Variants in ACSS1 observed in about 807,000 individuals in gnomAD.
ACSS1 encodes acetyl-coenzyme A synthetase 2-like, mitochondrial.
Under a neutral mutation model 75.3 loss-of-function variants are expected in ACSS1, and 42 were observed. That is an observed-to-expected ratio of 0.56 (90% CI 0.44 to 0.72). The LOEUF is 0.72. Ranked by LOEUF, ACSS1 falls within the 30% of genes least tolerant of loss-of-function variation. The pLI is 0.00. For synonymous variants in ACSS1, 380 were observed against 376.8 expected, an observed-to-expected ratio of 1.01 and a Z score of -0.10; for missense variants, 782 against 935.7, an observed-to-expected ratio of 0.84 and a Z score of 2.14.
At chr20:25,036,983 GAA>G (rs1292355212) in intron 2 of ACSS1, among the ~76,000 whole-genome samples, 3 of 105,960 alleles carry the variant, frequency 2.8e-5, no homozygotes, top group South Asian at 6.5e-4. Flanking sequence ...AAGAAAGAAA[GAA>G]AAAGAAAGAA....
intron 3 of ACSS1, among the ~76,000 whole-genome samples, chr20:25,030,042 C>T (rs1224042491): frequency 1.3e-5 from 2 of 152,142 alleles, no homozygotes; most frequent in Non-Finnish European, 2.9e-5. Flanking sequence ...GAAGGGCTTC[C>T]CAGCCTTTTA....
chr20:25,013,003 G>GT, intron 10 of ACSS1, 64 bp from the exon 11 acceptor site: 3 of 1,609,526 alleles, frequency 1.9e-6, no homozygotes, highest in Non-Finnish European at 2.5e-6. Flanking sequence ...CCCAACCTCA[G>GT]TAAGCGTGAA....
In ACSS1 at chr20:25,007,631, G is replaced by T; in HGVS notation, c.*131C>A. ...TCTCAGCCCAGCTTCACGTGAGGGC[G>T]GTGTGGGTCATGTGTGGGGTGGGGG... On this transcript the variant is annotated 3_prime_UTR_variant, in exon 14 of 14. Transcript: ENST00000323482. 1.3e-6 allele frequency: 2 copies of T among 1,512,176 alleles called. No homozygotes were observed. Among genetic ancestry groups the T allele is most frequent in the Non-Finnish European group, 8.8e-7 (1 of 1,138,198 alleles). 93.7% of individuals were successfully genotyped at this position (1,512,176 alleles called of 1,614,324 possible).
chr20:25,020,110 A>G lies in ACSS1; in HGVS notation c.1146T>C (p.Asn382=), dbSNP rs753817355. The G allele has an allele frequency of 2.5e-4, 409 of 1,614,124 alleles. 1 individual carries two copies. Among genetic ancestry groups the G allele is most frequent in the Non-Finnish European group, 3.2e-4 (379 of 1,180,054 alleles). The change falls in exon 7 of 14, where the codon AAT becomes AAC. Residue 382 remains asparagine (N), a synonymous_variant. Transcript: ENST00000323482. Reference sequence around the variant, plus strand: ...CAGCCGTTGGGGCGCCATAGAACTGATTGATCTTCAACCTCTCTACTGTCT... The same window carrying G: ...CAGCCGTTGGGGCGCCATAGAACTGGTTGATCTTCAACCTCTCTACTGTCT... The part of the protein sequence containing the change: ...YWETVERLKI[N]QFYGAPTAVR...
chr20:25,007,680 G>A lies in ACSS1; in HGVS notation c.*82C>T. On this transcript the variant is annotated 3_prime_UTR_variant, in exon 14 of 14. Coordinates refer to ENST00000323482, the MANE Select transcript of ACSS1 (RefSeq NM_032501.4). ...GGCTGCTTCTGGGACGTAGGAAGAC[G>A]CCAACCTCAGGGGTACCTTCTGGGA... 5.1e-6 allele frequency: 8 copies of A among 1,554,136 alleles called. No homozygotes were observed. The highest frequency in any genetic ancestry group is 3.7e-5 in the South Asian group (3 of 81,352).
intron 5 of ACSS1, 45 bp from the exon 6 acceptor site, chr20:25,021,581 C>A: frequency 6.3e-7 from 1 of 1,599,538 alleles, no homozygotes; most frequent in Non-Finnish European, 8.5e-7. Context: ...CCCCCCACTC[C>A]ACCATGTTCA....
chr20:25,031,140 T>G, intron 2 of ACSS1, 182 bp from the exon 3 acceptor site: 1 of 713,624 alleles, frequency 1.4e-6, no homozygotes, highest in Non-Finnish European at 2.5e-6. Context: ...GTTTTTAACA[T>G]TTGTAGATTG....
intron 2 of ACSS1, among the ~76,000 whole-genome samples, chr20:25,031,545 G>A (rs2088824458): frequency 6.6e-6 from 1 of 152,212 alleles, no homozygotes; most frequent in Non-Finnish European, 1.5e-5. Context: ...GGGAGACATA[G>A]CTTAGCTTTT....
At chr20:25,057,214 C>G (rs1276820170) in intron 1 of ACSS1, among the ~76,000 whole-genome samples, 1 of 152,218 alleles carries the variant, frequency 6.6e-6, no homozygotes, top group South Asian at 2.1e-4. Flanking sequence ...GAAGAAATAA[C>G]TGGTTCCAGC....
Position 25,030,890 on chromosome 20 carries a change from C to T in ACSS1, c.500G>A (p.Arg167His), listed in dbSNP as rs781504953. 2.5e-6 allele frequency: 4 copies of T among 1,614,236 alleles called. No individual in the cohort carries two copies. Among genetic ancestry groups the T allele is most frequent in the South Asian group, 1.1e-5 (1 of 91,092 alleles). Residue 167 changes from arginine (R) to histidine (H), a missense_variant, in exon 3 of 14, where the codon CGT becomes CAT. Arg to His is a conservative substitution (Grantham distance 29). Coordinates refer to ENST00000323482, the MANE Select transcript of ACSS1 (RefSeq NM_032501.4). ...LKRHGVHRGD[R>H]VAIYMPVSPL... ...GGACACGGGCATGTAGATGGCAACACGGTCCCCACGGTGGACTCCATGCCT... is the reference window on the plus strand; with the variant it reads ...GGACACGGGCATGTAGATGGCAACATGGTCCCCACGGTGGACTCCATGCCT...
chr20:25,014,395 T>G (rs1251323262), intron 8 of ACSS1, among the ~76,000 whole-genome samples: 1 of 152,184 alleles, frequency 6.6e-6, no homozygotes, highest in African/African-American at 2.4e-5. Context: ...GAACTGCTTC[T>G]GGGCCAGCGC....
At chr20:25,023,236 G>T in intron 4 of ACSS1, 144 bp from the exon 5 acceptor site, 1 of 1,229,318 alleles carries the variant, frequency 8.1e-7, no homozygotes, top group South Asian at 1.6e-5. Context: ...AATGTGGAAA[G>T]GACACAAAAC....
Position 25,048,120 on chromosome 20 carries a change from G to A in ACSS1, c.396C>T (p.Arg132=), listed in dbSNP as rs373555684. 2.5e-6 allele frequency: 4 copies of A among 1,613,688 alleles called. No homozygotes were observed. The highest frequency in any genetic ancestry group is 1.1e-5 in the South Asian group (1 of 91,048). Residue 132 remains arginine (R), a synonymous_variant, in exon 2 of 14, where the codon CGC becomes CGT. Coordinates refer to ENST00000323482, the MANE Select transcript of ACSS1 (RefSeq NM_032501.4). Reference sequence around the variant, plus strand: ...TCCTCACTTCCGTTCCAGGCTCATCGCGCTCCCAGATCAAAGCAACGCTCT... The same window carrying A: ...TCCTCACTTCCGTTCCAGGCTCATCACGCTCCCAGATCAAAGCAACGCTCT... The part of the protein sequence containing the change: ...SPESVALIWE[R]DEPGTEVRIT...
Position 25,009,229 on chromosome 20 carries a change from G to C in ACSS1, c.1890+41C>G, listed in dbSNP as rs765327644. On this transcript the variant is annotated intron_variant, in intron 13 of 13. Transcript: ENST00000323482. ...CATTGTCACTTGACAATTGTGGGAA[G>C]AACAGCAGCACAGCCCCATCTTTGT... The C allele has an allele frequency of 2.0e-6, 3 of 1,470,950 alleles. No individual in the cohort carries two copies. The South Asian group carries it at 3.4e-5, about 17-fold the overall frequency. 91.1% of individuals were successfully genotyped at this position (1,470,950 alleles called of 1,614,324 possible). A position where few individuals can be genotyped will look rare whatever the true frequency, so the allele number is the denominator to read the frequency against.
chr20:25,034,983 C>G (rs956332185), intron 2 of ACSS1, among the ~76,000 whole-genome samples: 7 of 152,186 alleles, frequency 4.6e-5, no homozygotes, highest in Middle Eastern at 3.4e-3. Flanking sequence ...AGCTCCGCCC[C>G]CTGGGTTCAT....
chr20:25,051,050 C>G (rs1220236684), intron 1 of ACSS1, among the ~76,000 whole-genome samples: 1 of 152,236 alleles, frequency 6.6e-6, no homozygotes, highest in Non-Finnish European at 1.5e-5. Flanking sequence ...TGACCTGCCT[C>G]TCCCTGCTGA....
chr20:25,043,037 T>C (rs2089028766), intron 2 of ACSS1, among the ~76,000 whole-genome samples: 1 of 151,966 alleles, frequency 6.6e-6, no homozygotes, highest in Non-Finnish European at 1.5e-5. Context: ...CACAGCCTCC[T>C]GCCTCCACCA....
chr20:25,008,153 A>C (rs1343032043), intron 13 of ACSS1, among the ~76,000 whole-genome samples: 4 of 152,080 alleles, frequency 2.6e-5, no homozygotes, highest in Non-Finnish European at 4.4e-5. Context: ...ATCCACCCCG[A>C]TGCTCTCCGC....
chr20:25,009,374 TGAA>T lies in ACSS1; in HGVS notation c.1783_1785del (p.Phe595del). 1 of 1,614,104 alleles carries T rather than the reference TGAA, an allele frequency of 6.2e-7. No homozygotes were observed. The highest frequency in any genetic ancestry group is 1.1e-5 in the South Asian group (1 of 91,072). On this transcript the variant is annotated inframe_deletion, in exon 13 of 14. Transcript: ENST00000323482. Reference sequence around the variant, plus strand: ...TCACCCGCACTATCTTTCACCACAATGAAGGCAAAGGCAGCTGAAAATAAAGCC... The same window carrying T: ...TCACCCGCACTATCTTTCACCACAATGGCAAAGGCAGCTGAAAATAAAGCC...
Sources: allele counts gnomAD v4.1 joint callset (sites outside exome capture counted in the v4.1 genomes callset), GRCh38; gene constraint gnomAD v4.1.1; transcripts MANE v1.5; gene names NCBI Gene and HGNC (gene_info 2026-07-23, HGNC 2026-07-21).